Variants in AOAH observed in about 807,000 individuals in gnomAD.
AOAH encodes the protein acyloxyacyl hydrolase (neutrophil).
A neutral mutation model predicts 92.2 loss-of-function variants in AOAH; 64 were observed. The observed-to-expected ratio is 0.69, with a 90% CI of 0.57 to 0.86. The LOEUF (loss-of-function observed/expected upper bound fraction) is 0.86. AOAH is among the 40% of genes least tolerant of loss of function. The pLI, the probability that AOAH is intolerant of heterozygous loss-of-function variation, is 0.00. For synonymous variants in AOAH, 263 were observed against 254.5 expected (o/e 1.03, Z -0.32); for missense variants, 656 against 694.6 (o/e 0.94, Z 0.62).
chr7:36,630,906 C>G (rs1046327967), intron 6 of AOAH, among the ~76,000 whole-genome samples: 1 of 152,164 alleles, frequency 6.6e-6, no homozygotes, highest in Admixed American at 6.5e-5. Context: ...CAGTTGCTTT[C>G]TCTGTGAAAT....
intron 11 of AOAH, among the ~76,000 whole-genome samples, chr7:36,605,685 T>C (rs1454737196): frequency 3.9e-5 from 6 of 152,238 alleles, no homozygotes; most frequent in Non-Finnish European, 8.8e-5. Context: ...AGGGCCAAGA[T>C]GATGGATGTT....
chr7:36,533,081 C>T (rs1186325429), intron 16 of AOAH, among the ~76,000 whole-genome samples: 1 of 152,172 alleles, frequency 6.6e-6, no homozygotes, highest in Non-Finnish European at 1.5e-5. Flanking sequence ...AGCGTTCATC[C>T]AGTTTTTCTG....
intron 4 of AOAH, among the ~76,000 whole-genome samples, chr7:36,656,277 C>T (rs1274783484): frequency 6.6e-6 from 1 of 152,144 alleles, no homozygotes; most frequent in Non-Finnish European, 1.5e-5. Flanking sequence ...CACAAAGGAG[C>T]ATATACCGCG....
At chr7:36,722,373 C>T (rs1347662529) in intron 1 of AOAH, among the ~76,000 whole-genome samples, 1 of 152,156 alleles carries the variant, frequency 6.6e-6, no homozygotes, top group Non-Finnish European at 1.5e-5. Flanking sequence ...GTCCAAGGAT[C>T]TCAGCCCTGA....
At chr7:36,591,995 G>A (rs139157570) in intron 12 of AOAH, among the ~76,000 whole-genome samples, 411 of 152,192 alleles carry the variant, frequency 2.7e-3, no homozygotes, top group African/African-American at 9.0e-3. Flanking sequence ...ATATCGGATC[G>A]GTATTTCTTT....
chr7:36,559,602 T>G (rs1787107326), intron 13 of AOAH, among the ~76,000 whole-genome samples: 1 of 152,154 alleles, frequency 6.6e-6, no homozygotes, highest in Admixed American at 6.5e-5. Flanking sequence ...GGTTATTTGG[T>G]TTTTGCTTGT....
At chr7:36,536,677 G>A (rs1162910405) in intron 16 of AOAH, among the ~76,000 whole-genome samples, 3 of 152,100 alleles carry the variant, frequency 2.0e-5, no homozygotes, top group Admixed American at 1.3e-4. Flanking sequence ...AGCTGGGAAC[G>A]GTGGCTCATG....
chr7:36,631,351 A>C (rs1793079138), intron 6 of AOAH, among the ~76,000 whole-genome samples: 1 of 63,864 alleles, frequency 1.6e-5, no homozygotes, highest in African/African-American at 5.7e-5. Flanking sequence ...CCATCATCTC[A>C]AAAAAAAAAA....
At chr7:36,559,009 C>A (rs1341092569) in intron 13 of AOAH, among the ~76,000 whole-genome samples, 2 of 152,272 alleles carry the variant, frequency 1.3e-5, no homozygotes, top group Non-Finnish European at 2.9e-5. Flanking sequence ...TCTGGCACTC[C>A]CTAGTGAGAT....
At chr7:36,513,406 G>T in intron 20 of AOAH, 26 bp from the exon 21 acceptor site, 1 of 1,606,824 alleles carries the variant, frequency 6.2e-7, no homozygotes, top group Non-Finnish European at 8.5e-7. Flanking sequence ...CAAAGGACGA[G>T]GAAAAGGGAA....
chr7:36,530,458 T>G lies in AOAH; in HGVS notation c.1482A>C (p.Thr494=), dbSNP rs982363116. The G allele has an allele frequency of 2.5e-6, 4 of 1,613,868 alleles. No individual in the cohort carries two copies. In the African/African-American group the frequency reaches 5.3e-5, roughly 22 times the overall value. The change falls in exon 19 of 21, where the codon ACA becomes ACC. Residue 494 remains threonine (T), a synonymous_variant. Transcript: ENST00000617537. ...LKKIAASEKF[T]NFNLFYMDFA... ...AATCCATGTAGAAAAGATTGAAGTTTGTAAATTTCTCACTGGCTGCAATTT... is the reference window on the plus strand; with the variant it reads ...AATCCATGTAGAAAAGATTGAAGTTGGTAAATTTCTCACTGGCTGCAATTT...
chr7:36,583,428 C>A (rs1188051748), intron 12 of AOAH, among the ~76,000 whole-genome samples: 1 of 152,108 alleles, frequency 6.6e-6, no homozygotes, highest in African/African-American at 2.4e-5. Flanking sequence ...TTTTAAGATT[C>A]CTTTCAGTCC....
Position 36,608,316 on chromosome 7 carries a change from C to G in AOAH, c.846+8064G>C, listed in dbSNP as rs116020909. Among the ~76,000 whole-genome samples the G allele has an allele frequency of 1.7e-3, 259 of 152,320 alleles. 1 individual carries two copies. The highest frequency in any genetic ancestry group is 5.6e-3 in the East Asian group (29 of 5,174). On this transcript the variant is annotated intron_variant, in intron 11 of 20. Transcript: ENST00000617537. ...CTCTGACACTGGCCATTCCCAGCCT[C>G]AACTCTTCTGGACCTTTGATTCTGG...
chr7:36,562,992 CA>C (rs1203890901), intron 13 of AOAH, among the ~76,000 whole-genome samples: 4 of 151,442 alleles, frequency 2.6e-5, no homozygotes, highest in Non-Finnish European at 4.4e-5. Context: ...ACTAAAAATA[CA>C]AAAATTAGCC....
chr7:36,606,656 A>C (rs1791023563), intron 11 of AOAH, among the ~76,000 whole-genome samples: 1 of 152,214 alleles, frequency 6.6e-6, no homozygotes, highest in South Asian at 2.1e-4. Flanking sequence ...ATGGGGGAAG[A>C]AGCAGGAGGG....
intron 13 of AOAH, among the ~76,000 whole-genome samples, chr7:36,571,869 TTCTC>T (rs1324442338): frequency 2.6e-5 from 4 of 152,214 alleles, no homozygotes; most frequent in Admixed American, 2.6e-4. Context: ...ATCGACTTCT[TTCTC>T]TTAAAAATTT....
At chr7:36,524,237 C>T (rs1041863200) in intron 19 of AOAH, among the ~76,000 whole-genome samples, 4 of 151,902 alleles carry the variant, frequency 2.6e-5, no homozygotes, top group Admixed American at 2.6e-4. Flanking sequence ...GGGTGTTGCA[C>T]GGACTGAATG....
intron 4 of AOAH, among the ~76,000 whole-genome samples, chr7:36,650,581 C>T (rs2116442678): frequency 6.6e-6 from 1 of 152,292 alleles, no homozygotes; most frequent in East Asian, 1.9e-4. Flanking sequence ...GATGCTCAAA[C>T]CCTACCCAGG....
intron 1 of AOAH, among the ~76,000 whole-genome samples, chr7:36,710,325 A>C (rs1798683687): frequency 6.6e-6 from 1 of 152,170 alleles, no homozygotes; most frequent in Non-Finnish European, 1.5e-5. Flanking sequence ...GTTTTGAAAG[A>C]AAGAAATAGC....
Sources: gnomAD v4.1 joint callset for allele counts (sites outside exome capture counted in the v4.1 genomes callset) on GRCh38, gnomAD v4.1.1 for gene constraint, MANE v1.5 for transcripts, NCBI Gene and HGNC (gene_info 2026-07-23, HGNC 2026-07-21) for gene names.